The following SLC12A8 variants were observed in gnomAD, a reference collection of about 807,000 sequenced individuals.
The protein encoded by SLC12A8 is cation-chloride cotransporter 9.
A neutral mutation model predicts 75.6 loss-of-function variants in SLC12A8; 69 were observed. The ratio of observed to expected loss-of-function variants is 0.91; its 90% confidence interval spans 0.75 to 1.11. The LOEUF (loss-of-function observed/expected upper bound fraction) is 1.11, where lower values mean the gene tolerates loss of function less well. Among genes scored for constraint, SLC12A8 ranks in the 50% most tolerant of loss-of-function variants. SLC12A8 has a pLI of 0.00. For missense variants in SLC12A8, 877 were observed against 896.7 expected (o/e 0.98, Z 0.28); for synonymous variants, 365 against 372.8 (o/e 0.98, Z 0.24).
chr3:125,140,452 G>A (rs986967963), intron 5 of SLC12A8, among the ~76,000 whole-genome samples: 1 of 152,150 alleles, frequency 6.6e-6, no homozygotes, highest in Non-Finnish European at 1.5e-5. Context: ...TACAGCACAG[G>A]TTGCCTTTCA....
chr3:125,168,620 G>A (rs1236162213), intron 5 of SLC12A8, among the ~76,000 whole-genome samples: 1 of 152,206 alleles, frequency 6.6e-6, no homozygotes. Flanking sequence ...AGCCAGTGTT[G>A]TATTGTGGAA....
At chr3:125,183,866 CAG>C (rs1934717467) in intron 4 of SLC12A8, among the ~76,000 whole-genome samples, 1 of 152,022 alleles carries the variant, frequency 6.6e-6, no homozygotes, top group Non-Finnish European at 1.5e-5. Flanking sequence ...TTTGGTCCCA[CAG>C]AGCAGGCCCT....
intron 2 of SLC12A8, among the ~76,000 whole-genome samples, chr3:125,202,630 GTTTTTT>G (rs543411392): frequency 0.073 from 10,781 of 147,482 alleles, 586 homozygotes; most frequent in African/African-American, 0.15. Flanking sequence ...TATTAACCAT[GTTTTTT>G]TTTTTTTTTT....
At chr3:125,164,962 G>A (rs1476565586) in intron 5 of SLC12A8, among the ~76,000 whole-genome samples, 1 of 152,208 alleles carries the variant, frequency 6.6e-6, no homozygotes, top group Non-Finnish European at 1.5e-5. Context: ...GTGAGGCTGG[G>A]GCCCCCACTT....
intron 5 of SLC12A8, among the ~76,000 whole-genome samples, chr3:125,177,513 A>T (rs1223715924): frequency 2.6e-5 from 4 of 152,142 alleles, no homozygotes; most frequent in African/African-American, 9.7e-5. Flanking sequence ...AAAAGAAAAT[A>T]AAAGGACACA....
intron 5 of SLC12A8, among the ~76,000 whole-genome samples, chr3:125,148,369 A>G (rs1933837495): frequency 6.6e-6 from 1 of 152,128 alleles, no homozygotes; most frequent in South Asian, 2.1e-4. Flanking sequence ...GTCCCTGAAG[A>G]TGAAGGTGCA....
In SLC12A8 at chr3:125,190,439, A is replaced by G; in HGVS notation, c.134T>C (p.Val45Ala). ...GATGTTGATCATGCAGGATGTGAACACACCATCCCAGGTCCCAAACAGCAC... is the reference window on the plus strand; with the variant it reads ...GATGTTGATCATGCAGGATGTGAACGCACCATCCCAGGTCCCAAACAGCAC... ...EPVLFGTWDG[V>A]FTSCMINIFG... The change falls in exon 3 of 14, where the codon GTG (valine) becomes GCG (alanine). Residue 45 changes from valine to alanine, a missense_variant. Transcript: ENST00000469902. 1.2e-6 allele frequency: 2 copies of G among 1,614,224 alleles called. No individual in the cohort carries two copies. Among genetic ancestry groups the G allele is most frequent in the Admixed American group, 1.7e-5 (1 of 60,024 alleles).
At chr3:125,120,558 C>G in intron 7 of SLC12A8, 41 bp downstream of exon 7, 1 of 1,473,516 alleles carries the variant, frequency 6.8e-7, no homozygotes, top group Non-Finnish European at 9.5e-7. Flanking sequence ...GTTTTCTCTC[C>G]CACTCTCTAG....
chr3:125,173,287 T>C, intron 5 of SLC12A8, among the ~76,000 whole-genome samples: 1 of 151,884 alleles, frequency 6.6e-6, no homozygotes, highest in East Asian at 1.9e-4. Flanking sequence ...CAAGACGGTA[T>C]GGTATTGGAG....
At chr3:125,172,188 C>T (rs560267851) in intron 5 of SLC12A8, among the ~76,000 whole-genome samples, 3 of 151,922 alleles carry the variant, frequency 2.0e-5, no homozygotes, top group African/African-American at 7.2e-5. Context: ...GCAGGAGAAT[C>T]ACTTGAACCC....
chr3:125,116,706 C>G (rs1175018040), intron 8 of SLC12A8, among the ~76,000 whole-genome samples: 1 of 152,126 alleles, frequency 6.6e-6, no homozygotes, highest in African/African-American at 2.4e-5. Flanking sequence ...ATAATCAGAT[C>G]AGAGTCCCTA....
intron 10 of SLC12A8, among the ~76,000 whole-genome samples, chr3:125,101,563 C>G (rs1052795541): frequency 2.6e-5 from 4 of 152,164 alleles, no homozygotes; most frequent in Non-Finnish European, 5.9e-5. Context: ...TTCTGTGACA[C>G]TGTGTTGTAC....
chr3:125,109,121 A>T (rs1235303283), intron 9 of SLC12A8, among the ~76,000 whole-genome samples: 1 of 152,022 alleles, frequency 6.6e-6, no homozygotes, highest in East Asian at 1.9e-4. Context: ...ACTTCTCCTG[A>T]TTGGCCTCCC....
In SLC12A8 at chr3:125,107,912, T is replaced by C. The variant is rs373752874; in HGVS notation, c.1274A>G (p.Glu425Gly). ...CAGGTGCTCAGAGCAGTGGAGGCCT[T>C]CTGCGCCCTCCCTGAGCACCGGCTC... ...VPEPVLREGA[E>G]GLHCSEHLLL... Residue 425 changes from glutamate to glycine, a missense_variant, in exon 10 of 14, where the codon GAA becomes GGA. Coordinates refer to ENST00000469902, the MANE Select transcript of SLC12A8 (RefSeq NM_024628.6). The C allele has an allele frequency of 3.3e-5, 54 of 1,614,048 alleles. No homozygotes were observed. In the African/African-American group the frequency reaches 6.8e-4, roughly 20 times the overall value.
intron 5 of SLC12A8, among the ~76,000 whole-genome samples, chr3:125,164,490 C>T (rs1934245036): frequency 6.6e-6 from 1 of 152,214 alleles, no homozygotes; most frequent in African/African-American, 2.4e-5. Flanking sequence ...CAGGTGTTTG[C>T]TGTACTTGTG....
Position 125,177,984 on chromosome 3 carries a change from G to T in SLC12A8, c.391-10C>A, listed in dbSNP as rs1420059965. On this transcript the variant is annotated splice_polypyrimidine_tract_variant and intron_variant, in intron 4 of 13. Transcript: ENST00000469902. ...TGGCACCTGCAACACACTGACATGCGATTCCAGGTAGAAGAGTCAGCAGGA... is the reference window on the plus strand; with the variant it reads ...TGGCACCTGCAACACACTGACATGCTATTCCAGGTAGAAGAGTCAGCAGGA... 3 of 1,605,286 alleles carry T rather than the reference G, an allele frequency of 1.9e-6. No homozygotes were observed. In the South Asian group the frequency reaches 3.3e-5, roughly 18 times the overall value.
intron 2 of SLC12A8, among the ~76,000 whole-genome samples, chr3:125,202,652 A>AAAAAAT (rs1560085633): frequency 1.6e-3 from 232 of 148,828 alleles, no homozygotes; most frequent in African/African-American, 5.7e-3. Flanking sequence ...TTTTTTTTTA[A>AAAAAAT]ATCTGTATCT....
chr3:125,084,060 G>T lies in SLC12A8; in HGVS notation c.1983-8C>A. 1 of 1,608,536 alleles carries T rather than the reference G, an allele frequency of 6.2e-7. No homozygotes were observed. The highest frequency in any genetic ancestry group is 8.5e-7 in the Non-Finnish European group (1 of 1,177,186). On this transcript the variant is annotated splice_polypyrimidine_tract_variant and splice_region_variant and intron_variant, in intron 13 of 13. Coordinates refer to ENST00000469902, the MANE Select transcript of SLC12A8 (RefSeq NM_024628.6). ...TGAGGGGACCGCAAGCTCCTGCAGT[G>T]AGAGAGACACAGAGGATGGTGAGAA...
intron 5 of SLC12A8, among the ~76,000 whole-genome samples, chr3:125,157,987 G>A (rs926888243): frequency 6.6e-6 from 1 of 152,126 alleles, no homozygotes; most frequent in African/African-American, 2.4e-5. Context: ...AGATCTAGGT[G>A]GGGAGGAGAC....
Sources: allele counts gnomAD v4.1 joint callset (sites outside exome capture counted in the v4.1 genomes callset), GRCh38; gene constraint gnomAD v4.1.1; transcripts MANE v1.5; gene names NCBI Gene and HGNC (gene_info 2026-07-23, HGNC 2026-07-21).